The following CCDC181 variants were observed in gnomAD, a reference collection of about 807,000 sequenced individuals.
CCDC181 encodes the protein coiled-coil domain-containing protein 181.
CCDC181 carries 35 observed loss-of-function variants against 58.7 expected under a neutral mutation model. That is an observed-to-expected ratio of 0.60 (90% CI 0.46 to 0.79). The LOEUF is 0.79. Ranked by LOEUF, CCDC181 falls within the 30% of genes least tolerant of loss-of-function variation. The probability of loss-of-function intolerance (pLI) is 0.00; values close to 1 mark genes in which losing one functional copy is unlikely to be tolerated. For missense variants in CCDC181, 517 were observed against 583.9 expected, an observed-to-expected ratio of 0.89 and a Z score of 1.18; for synonymous variants, 183 against 197.5, an observed-to-expected ratio of 0.93 and a Z score of 0.62.
intron 4 of CCDC181, among the ~76,000 whole-genome samples, chr1:169,416,777 TTTTAG>T (rs1656234829): frequency 6.6e-6 from 1 of 152,148 alleles, no homozygotes; most frequent in African/African-American, 2.4e-5. Context: ...ATATTTCCTC[TTTTAG>T]TTTATGTTTT....
chr1:169,395,831 G>A (rs1228589169), intron 5 of CCDC181: 1 of 145,882 alleles, frequency 6.9e-6, no homozygotes, highest in East Asian at 2.0e-4. Context: ...TGGTATGTTT[G>A]TGTGTGTGTG....
At chr1:169,445,077 C>T (rs1235715358) in intron 2 of CCDC181, among the ~76,000 whole-genome samples, 1 of 152,104 alleles carries the variant, frequency 6.6e-6, no homozygotes, top group East Asian at 1.9e-4. Context: ...TCATCCTAGC[C>T]ATGTTTCTTC....
chr1:169,439,203 C>T (rs1286624353), intron 2 of CCDC181, among the ~76,000 whole-genome samples: 1 of 151,990 alleles, frequency 6.6e-6, no homozygotes, highest in Non-Finnish European at 1.5e-5. Flanking sequence ...CATGGGGCTA[C>T]AAGACCAGTT....
chr1:169,406,455 T>C (rs981488105), intron 4 of CCDC181, among the ~76,000 whole-genome samples: 1 of 152,156 alleles, frequency 6.6e-6, no homozygotes, highest in African/African-American at 2.4e-5. Context: ...CACCATGGAA[T>C]ACTATGCAGC....
At chr1:169,410,462 T>C (rs1655903758) in intron 4 of CCDC181, among the ~76,000 whole-genome samples, 1 of 152,202 alleles carries the variant, frequency 6.6e-6, no homozygotes, top group African/African-American at 2.4e-5. Context: ...AACACCCTGC[T>C]GTCAATATTA....
chr1:169,415,311 A>AT (rs1170723923), intron 4 of CCDC181, among the ~76,000 whole-genome samples: 1 of 152,212 alleles, frequency 6.6e-6, no homozygotes, highest in African/African-American at 2.4e-5. Flanking sequence ...CTTGTCTTCT[A>AT]TACCTGTAAT....
intron 2 of CCDC181, among the ~76,000 whole-genome samples, chr1:169,422,624 C>T (rs1303542647): frequency 1.3e-5 from 2 of 152,054 alleles, no homozygotes; most frequent in Admixed American, 6.6e-5. Context: ...ATTCCTTCCC[C>T]TATAAAATTT....
In CCDC181 at chr1:169,422,168, C is replaced by G; in HGVS notation, c.263G>C (p.Gly88Ala). 1.9e-6 allele frequency: 3 copies of G among 1,613,762 alleles called. No homozygotes were observed. In the South Asian group the frequency reaches 3.3e-5, roughly 18 times the overall value. ...TGATATGGGATCCAAAGGTTGAATACCTGGTACAGAAATGATGTCATTTCT... is the reference window on the plus strand; with the variant it reads ...TGATATGGGATCCAAAGGTTGAATAGCTGGTACAGAAATGATGTCATTTCT... ...PRRNDIISVP[G>A]IQPLDPISDS... The change falls in exon 3 of 6, where the codon GGT (glycine) becomes GCT (alanine). Residue 88 changes from glycine to alanine, a missense_variant. By Grantham distance (60) the Gly-to-Ala change is moderately conservative (BLOSUM62 0). Transcript: ENST00000367806.
At chr1:169,404,558 A>G (rs1341638341) in intron 4 of CCDC181, among the ~76,000 whole-genome samples, 1 of 152,182 alleles carries the variant, frequency 6.6e-6, no homozygotes, top group African/African-American at 2.4e-5. Flanking sequence ...AAAGACAAAA[A>G]CCACATGATT....
rs139933406 is a variant in CCDC181, at chr1:169,436,340, C to T, written c.-23-11390G>A. Among the ~76,000 whole-genome samples the T allele has an allele frequency of 1.1e-4, 17 of 152,246 alleles. No individual in the cohort carries two copies. In the East Asian group the frequency reaches 2.9e-3, roughly 26 times the overall value. ...CAGATCAGGATTGTGTTAGTTTTCA[C>T]GGTATGTTTGTGGTATTTCAGAGGC... On this transcript the variant is annotated intron_variant, in intron 2 of 6. Coordinates refer to the CCDC181 transcript ENST00000545005.
chr1:169,434,360 G>T (rs1334008401), intron 2 of CCDC181, among the ~76,000 whole-genome samples: 2 of 151,932 alleles, frequency 1.3e-5, no homozygotes, highest in African/African-American at 4.8e-5. Flanking sequence ...AACTGCTATG[G>T]AAAACAGTAT....
At chr1:169,409,004 G>A (rs1348172627) in intron 4 of CCDC181, among the ~76,000 whole-genome samples, 4 of 152,154 alleles carry the variant, frequency 2.6e-5, no homozygotes, top group Admixed American at 6.5e-5. Context: ...ACAACTCCTC[G>A]CCAGCAAGGG....
At chr1:169,396,875 T>C (rs1421231292) in intron 5 of CCDC181, among the ~76,000 whole-genome samples, 1 of 152,172 alleles carries the variant, frequency 6.6e-6, no homozygotes, top group Non-Finnish European at 1.5e-5. Context: ...ATTCAGTTTT[T>C]CTGAGGGCTA....
chr1:169,429,444 C>G (rs764639736), upstream of CCDC181, among the ~76,000 whole-genome samples: 88 of 152,186 alleles, frequency 5.8e-4, no homozygotes, highest in Non-Finnish European at 8.2e-4. Flanking sequence ...TCCCTGTTCA[C>G]CACATCCATG....
intron 4 of CCDC181, 139 bp downstream of exon 4, chr1:169,418,874 G>C (rs1656330666): frequency 3.2e-6 from 2 of 620,146 alleles, no homozygotes; most frequent in African/African-American, 1.8e-5. Context: ...TCTGCATGTT[G>C]CATCTTTTGC....
At chr1:169,404,998 A>G (rs1384841312) in intron 4 of CCDC181, among the ~76,000 whole-genome samples, 2 of 152,236 alleles carry the variant, frequency 1.3e-5, no homozygotes. Flanking sequence ...AATCACAAGC[A>G]TTCTTATACA....
At chr1:169,437,384 G>A (rs79680263) in intron 2 of CCDC181, among the ~76,000 whole-genome samples, 3,318 of 152,242 alleles carry the variant, frequency 0.022, 127 homozygotes, top group African/African-American at 0.076. Flanking sequence ...GCAGTCTAGC[G>A]CCCAGGCAAG....
At chr1:169,459,930 G>A (rs866428036) in intron 1 of CCDC181, 22 of 81,222 alleles carry the variant, frequency 2.7e-4, no homozygotes, top group South Asian at 3.4e-4. Context: ...AAAAAAAAAA[G>A]GAGGAGGCGG....
At chr1:169,434,176 AG>A (rs1388954026) in intron 2 of CCDC181, among the ~76,000 whole-genome samples, 1 of 152,040 alleles carries the variant, frequency 6.6e-6, no homozygotes, top group African/African-American at 2.4e-5. Context: ...ATGAATTGCC[AG>A]GAAACATATG....
Sources: allele counts gnomAD v4.1 joint callset (sites outside exome capture counted in the v4.1 genomes callset), GRCh38; gene constraint gnomAD v4.1.1; transcripts MANE v1.5; gene names NCBI Gene and HGNC (gene_info 2026-07-23, HGNC 2026-07-21).